Variants in SLC12A3 observed in about 807,000 individuals in gnomAD.
SLC12A3 encodes the protein Na-Cl cotransporter.
A neutral mutation model predicts 121.0 loss-of-function variants in SLC12A3; 104 were observed. The observed-to-expected ratio is 0.86, with a 90% CI of 0.73 to 1.01. The LOEUF is 1.01. SLC12A3 is among the 50% of genes least tolerant of loss of function. The pLI, the probability that SLC12A3 is intolerant of heterozygous loss-of-function variation, is 0.00. For missense variants in SLC12A3, 1,328 were observed against 1,356.3 expected (o/e 0.98, Z 0.33); for synonymous variants, 536 against 533.4 (o/e 1.00, Z -0.07).
chr16:56,911,562 T>C (rs1596962558), intron 25 of SLC12A3, among the ~76,000 whole-genome samples: 1 of 152,148 alleles, frequency 6.6e-6, no homozygotes, highest in African/African-American at 2.4e-5. Context: ...TGGGCTCAAG[T>C]GATCTGCCCA....
intron 9 of SLC12A3, 28 bp from the exon 10 acceptor site, chr16:56,879,045 C>T: frequency 9.4e-6 from 15 of 1,590,262 alleles, no homozygotes; most frequent in Non-Finnish European, 1.2e-5. Context: ...GAAGGCAGAC[C>T]TCCCCATGCT....
At chr16:56,878,697 T>G (rs2055197678) in intron 9 of SLC12A3, among the ~76,000 whole-genome samples, 1 of 152,014 alleles carries the variant, frequency 6.6e-6, no homozygotes, top group Admixed American at 6.5e-5. Context: ...TCCTCACAGA[T>G]GTACTTCCTC....
intron 18 of SLC12A3, among the ~76,000 whole-genome samples, chr16:56,888,622 T>A: frequency 7.5e-6 from 1 of 132,922 alleles, no homozygotes; most frequent in Non-Finnish European, 1.6e-5. Flanking sequence ...GCAGTGGCGC[T>A]ATCTCGGCTC....
chr16:56,899,222 T>G (rs1258363998), intron 22 of SLC12A3, among the ~76,000 whole-genome samples: 4 of 152,156 alleles, frequency 2.6e-5, no homozygotes, highest in Non-Finnish European at 5.9e-5. Context: ...AATACATTTT[T>G]AAAACTCTCA....
chr16:56,891,131 TG>T (rs1331754502), intron 19 of SLC12A3, among the ~76,000 whole-genome samples: 1 of 151,884 alleles, frequency 6.6e-6, no homozygotes, highest in Non-Finnish European at 1.5e-5. Flanking sequence ...CCCAGCACTT[TG>T]GGAGGCTGAG....
At position 56,879,084 on chromosome 16, in the gene SLC12A3, G is replaced by A. The variant is rs141253071; in HGVS notation, c.1192G>A (p.Val398Met). ...CTTCCTCCTCTCAGGCTCCTGCGTG[G>A]TGCGTGATGCCTCTGGGGTCCTGAA... is the stretch of plus-strand genomic sequence containing the variant. ...AISATIGSCV[V>M]RDASGVLNDT... Residue 398 changes from valine to methionine, a missense_variant, in exon 10 of 26, where the codon GTG becomes ATG. Val to Met is a conservative substitution (Grantham distance 21). Coordinates refer to ENST00000563236, the MANE Select transcript of SLC12A3 (RefSeq NM_001126108.2). 4.3e-6 allele frequency: 7 copies of A among 1,611,166 alleles called. No individual in the cohort carries two copies. Among genetic ancestry groups the A allele is most frequent in the Non-Finnish European group, 5.9e-6 (7 of 1,179,180 alleles).
intron 24 of SLC12A3, 23 bp downstream of exon 24, chr16:56,902,531 G>GGGGGGGGGGGCC: frequency 2.0e-5 from 14 of 714,510 alleles, no homozygotes; most frequent in East Asian, 8.3e-5. Flanking sequence ...GTGGGGGTGG[G>GGGGGGGGGGGCC]AAACGCGACA....
At chr16:56,885,193 C>A in intron 14 of SLC12A3, 72 bp from the exon 15 acceptor site, 2 of 955,592 alleles carry the variant, frequency 2.1e-6, no homozygotes, top group South Asian at 1.4e-5. Context: ...TACCTCTGTC[C>A]CTCCACGTGT....
Position 56,908,161 on chromosome 16 carries a change from C to CTTTTTTTTTTTTTTTTTTT in SLC12A3, c.2924+3700_2924+3718dup, listed in dbSNP as rs55644914. Among the ~76,000 whole-genome samples, 16 of 96,970 alleles carry CTTTTTTTTTTTTTTTTTTT rather than the reference C, an allele frequency of 1.6e-4. 1 individual carries two copies. Among genetic ancestry groups the CTTTTTTTTTTTTTTTTTTT allele is most frequent in the African/African-American group, 2.7e-4 (6 of 21,866 alleles). 63.6% of individuals were successfully genotyped at this position (96,970 alleles called of 152,430 possible). ...ATTCATTTCTCAGATAGTGATATAA[C>CTTTTTTTTTTTTTTTTTTT]TTTTTTTTTTTTTTTTTTTGAGGCA... On this transcript the variant is annotated intron_variant, in intron 25 of 25. Transcript: ENST00000563236.
chr16:56,872,688 T>TG lies in SLC12A3; in HGVS notation c.999dup (p.Arg334AlafsTer30). On this transcript the variant is annotated frameshift_variant, in exon 8 of 26. Transcript: ENST00000563236. LOFTEE classifies it high-confidence loss of function. Reference sequence around the variant, plus strand: ...TTTTGTCCAGAACTTGGTGCCTGACTGGCGGGGTCCAGATGGCACCTTCTT... The same window carrying TG: ...TTTTGTCCAGAACTTGGTGCCTGACTGGGCGGGGTCCAGATGGCACCTTCTT... 2 of 1,614,270 alleles carry TG rather than the reference T, an allele frequency of 1.2e-6. No individual in the cohort carries two copies. Among genetic ancestry groups the TG allele is most frequent in the Non-Finnish European group, 1.7e-6 (2 of 1,180,046 alleles).
intron 25 of SLC12A3, among the ~76,000 whole-genome samples, chr16:56,907,312 G>T (rs538683484): frequency 2.6e-5 from 4 of 152,270 alleles, no homozygotes; most frequent in African/African-American, 9.6e-5. Flanking sequence ...AAAAAAATTA[G>T]CCAGGCTTGG....
chr16:56,888,033 T>C lies in SLC12A3; in HGVS notation c.2285+2T>C, dbSNP rs764220175. 2 of 1,604,798 alleles carry C rather than the reference T, an allele frequency of 1.2e-6. No individual in the cohort carries two copies. The highest frequency in any genetic ancestry group is 2.2e-5 in the East Asian group (1 of 44,712). On this transcript the variant is annotated splice_donor_variant, in intron 18 of 25. Transcript: ENST00000563236. LOFTEE classifies it high-confidence loss of function. ...GGAAGACTACATTGGCATCCTCCAG[T>C]GAGTCGGGGGAGAGGAAGGGGCTTG... is the stretch of plus-strand genomic sequence containing the variant.
chr16:56,882,465 G>A lies in SLC12A3; in HGVS notation c.1637G>A (p.Ser546Asn), dbSNP rs2144719566. Residue 546 changes from serine (S) to asparagine (N), a missense_variant, in exon 13 of 26, where the codon AGC becomes AAC. Transcript: ENST00000563236. Reference sequence around the variant, plus strand: ...TGCTCCTATGCCCTCATCAACTTCAGCTGCTTCCACGCCTCCATCACCAAC... The same window carrying A: ...TGCTCCTATGCCCTCATCAACTTCAACTGCTTCCACGCCTCCATCACCAAC... ...FLCSYALINF[S>N]CFHASITNSP... 1 of 1,614,030 alleles carries A rather than the reference G, an allele frequency of 6.2e-7. No individual in the cohort carries two copies. Among genetic ancestry groups the A allele is most frequent in the Non-Finnish European group, 8.5e-7 (1 of 1,180,020 alleles).
rs886052172 is a variant in SLC12A3, at chr16:56,915,150, T to C, written c.*1745T>C. 6.6e-6 allele frequency: 1 copy of C among 152,264 alleles called. No homozygotes were observed. Among genetic ancestry groups the C allele is most frequent in the Non-Finnish European group, 1.5e-5 (1 of 68,060 alleles). The allele number at this position is 152,264 out of a possible 1,614,324, so 9.4% of individuals were successfully genotyped here. The stretch of plus-strand genomic sequence containing the variant: ...GGCCAAGTGAGGGTATTTGCAGCTC[T>C]AGACATAACCAAGAAGCGTAAAGGT... On this transcript the variant is annotated 3_prime_UTR_variant, in exon 26 of 26. Coordinates refer to ENST00000563236, the MANE Select transcript of SLC12A3 (RefSeq NM_001126108.2).
intron 25 of SLC12A3, among the ~76,000 whole-genome samples, chr16:56,911,205 T>C (rs1295839553): frequency 1.3e-5 from 2 of 152,244 alleles, no homozygotes; most frequent in South Asian, 2.1e-4. Flanking sequence ...TCAGTACTCC[T>C]ATGTCCCTTT....
intron 25 of SLC12A3, 51 bp downstream of exon 25, chr16:56,904,513 C>G: frequency 6.3e-7 from 1 of 1,576,168 alleles, no homozygotes; most frequent in Non-Finnish European, 8.7e-7. Context: ...AGTCAGGTGT[C>G]TCAGCTCTGG....
At chr16:56,898,691 A>G (rs1436140679) in intron 22 of SLC12A3, among the ~76,000 whole-genome samples, 1 of 152,080 alleles carries the variant, frequency 6.6e-6, no homozygotes, top group Non-Finnish European at 1.5e-5. Flanking sequence ...GTCTTCCCTG[A>G]CTGCTACAAA....
chr16:56,880,996 T>C (rs561133538), intron 12 of SLC12A3, among the ~76,000 whole-genome samples: 2 of 152,388 alleles, frequency 1.3e-5, no homozygotes, highest in East Asian at 3.9e-4. Context: ...CATACTCACA[T>C]GTGCACATGC....
At chr16:56,907,807 A>G (rs2055627150) in intron 25 of SLC12A3, among the ~76,000 whole-genome samples, 1 of 152,130 alleles carries the variant, frequency 6.6e-6, no homozygotes, top group Admixed American at 6.5e-5. Flanking sequence ...ACCTCCTAAA[A>G]CCATCACTCT....
Sources: gnomAD v4.1 joint callset for allele counts (sites outside exome capture counted in the v4.1 genomes callset) on GRCh38, gnomAD v4.1.1 for gene constraint, MANE v1.5 for transcripts, NCBI Gene and HGNC (gene_info 2026-07-23, HGNC 2026-07-21) for gene names.